Variants in DOCK4 observed in about 807,000 individuals in gnomAD.
DOCK4 encodes dedicator of cytokinesis 4, also known as dedicator of cytokinesis protein 4.
Under a neutral mutation model 268.1 loss-of-function variants are expected in DOCK4, and 97 were observed. That is an observed-to-expected ratio of 0.36 (90% CI 0.31 to 0.43). The LOEUF (loss-of-function observed/expected upper bound fraction) is 0.43, where lower values mean the gene tolerates loss of function less well. Ranked by LOEUF, DOCK4 falls within the 20% of genes least tolerant of loss-of-function variation. The pLI is 1.00. For missense variants in DOCK4, 2,145 were observed against 2,455.7 expected (o/e 0.87, Z 2.67); for synonymous variants, 954 against 887.2 (o/e 1.08, Z -1.34).
In DOCK4 at chr7:111,732,235, A is replaced by T. The variant is rs1173937977; in HGVS notation, c.5472T>A (p.Ser1824=). The T allele has an allele frequency of 2.5e-6, 4 of 1,614,002 alleles. No homozygotes were observed. Among genetic ancestry groups the T allele is most frequent in the Non-Finnish European group, 3.4e-6 (4 of 1,179,884 alleles). ...AAAGAAGGGCCTTTACCTTCAATGG[A>T]GATCGCCCGGCAGGCGAGGGGGATA... is the stretch of plus-strand genomic sequence containing the variant. The part of the protein sequence containing the change: ...TSVSPSPAGR[S]PLKGSVQSFT... The change falls in exon 52 of 53, where the codon TCT becomes TCA. Residue 1824 remains serine, a synonymous_variant. Transcript: ENST00000428084.
intron 1 of DOCK4, among the ~76,000 whole-genome samples, chr7:112,143,718 C>T (rs896872280): frequency 6.6e-6 from 1 of 152,138 alleles, no homozygotes; most frequent in Non-Finnish European, 1.5e-5. Flanking sequence ...TATAAAGTCT[C>T]CTGAGAGTGG....
At chr7:112,017,129 T>C (rs983870503) in intron 1 of DOCK4, among the ~76,000 whole-genome samples, 2 of 152,224 alleles carry the variant, frequency 1.3e-5, no homozygotes, top group African/African-American at 4.8e-5. Context: ...TCCTAATTAT[T>C]TTGTATAATA....
chr7:111,747,063 A>G (rs368341892), intron 43 of DOCK4, among the ~76,000 whole-genome samples: 1 of 152,270 alleles, frequency 6.6e-6, no homozygotes, highest in East Asian at 1.9e-4. Context: ...CATTTTTATT[A>G]TCCAAATATA....
Position 112,206,309 on chromosome 7 carries a change from A to G in DOCK4, c.-171T>C. 1 of 671,218 alleles carries G rather than the reference A, an allele frequency of 1.5e-6. No homozygotes were observed. Among genetic ancestry groups the G allele is most frequent in the Admixed American group, 3.0e-5 (1 of 32,910 alleles). 41.6% of individuals were successfully genotyped at this position (671,218 alleles called of 1,614,324 possible). On this transcript the variant is annotated 5_prime_UTR_variant, in exon 1 of 53. Transcript: ENST00000428084. ...GGAGGCTCCCGAGCCCAGCGTTGAC[A>G]CTGCGCCGCCCGCAGCTCTCCCGGC...
At chr7:111,877,733 C>T (rs751209779) in intron 16 of DOCK4, among the ~76,000 whole-genome samples, 31 of 152,114 alleles carry the variant, frequency 2.0e-4, no homozygotes, top group Admixed American at 8.5e-4. Context: ...TCATAGAAAA[C>T]GCCAGCTAAC....
At chr7:112,043,576 G>A (rs1198579891) in intron 1 of DOCK4, among the ~76,000 whole-genome samples, 3 of 151,968 alleles carry the variant, frequency 2.0e-5, no homozygotes, top group Non-Finnish European at 2.9e-5. Context: ...GAAAAAGGCA[G>A]ATAAGCCATT....
intron 1 of DOCK4, among the ~76,000 whole-genome samples, chr7:112,039,930 C>T (rs1252428059): frequency 6.6e-6 from 1 of 152,002 alleles, no homozygotes; most frequent in African/African-American, 2.4e-5. Flanking sequence ...GTTTTCAGAC[C>T]CTACCATACA....
At chr7:111,896,878 T>G (rs1329211340) in intron 15 of DOCK4, among the ~76,000 whole-genome samples, 1 of 152,164 alleles carries the variant, frequency 6.6e-6, no homozygotes, top group Non-Finnish European at 1.5e-5. Flanking sequence ...GGACTTTCTT[T>G]TAAAATCATT....
intron 1 of DOCK4, among the ~76,000 whole-genome samples, chr7:112,101,327 A>C (rs367606934): frequency 1.3e-4 from 20 of 152,368 alleles, no homozygotes; most frequent in African/African-American, 4.6e-4. Flanking sequence ...TTTTGAATCT[A>C]GACGATGGTC....
intron 7 of DOCK4, among the ~76,000 whole-genome samples, chr7:111,980,816 A>G (rs1798553055): frequency 6.6e-6 from 1 of 152,250 alleles, no homozygotes; most frequent in African/African-American, 2.4e-5. Flanking sequence ...ACCTTCTAAG[A>G]ATTGCAGAGT....
chr7:111,739,829 A>G (rs1795779643), intron 47 of DOCK4: 2 of 344,930 alleles, frequency 5.8e-6, no homozygotes, highest in South Asian at 2.4e-5. Context: ...CCTTCTTGTT[A>G]TCTGTACAAG....
At chr7:111,768,529 A>G (rs1797907914) in intron 37 of DOCK4, among the ~76,000 whole-genome samples, 1 of 152,202 alleles carries the variant, frequency 6.6e-6, no homozygotes, top group Non-Finnish European at 1.5e-5. Context: ...AGTCTAAGAC[A>G]TGTACCACCA....
At chr7:111,950,956 A>G (rs1024710424) in intron 8 of DOCK4, among the ~76,000 whole-genome samples, 1 of 152,232 alleles carries the variant, frequency 6.6e-6, no homozygotes, top group Non-Finnish European at 1.5e-5. Context: ...GAGAGTTGGT[A>G]TTATTAACAG....
intron 7 of DOCK4, among the ~76,000 whole-genome samples, chr7:111,979,617 CAT>C (rs200079599): frequency 2.3e-3 from 347 of 152,042 alleles, no homozygotes; most frequent in African/African-American, 7.7e-3. Flanking sequence ...AAAAGAAAAA[CAT>C]ATGCTTACTT....
chr7:112,046,127 T>C (rs1169768285), intron 1 of DOCK4, among the ~76,000 whole-genome samples: 1 of 152,208 alleles, frequency 6.6e-6, no homozygotes, highest in African/African-American at 2.4e-5. Context: ...TGTTTCTTTA[T>C]TGGATATACT....
intron 1 of DOCK4, among the ~76,000 whole-genome samples, chr7:112,165,929 T>C (rs1041698352): frequency 5.9e-5 from 9 of 152,058 alleles, no homozygotes; most frequent in African/African-American, 2.2e-4. Context: ...TCCAAATAAC[T>C]GCCACTTTCT....
intron 39 of DOCK4, among the ~76,000 whole-genome samples, 175 bp from the exon 40 acceptor site, chr7:111,760,497 G>A (rs1797318321): frequency 6.6e-6 from 1 of 152,106 alleles, no homozygotes; most frequent in Admixed American, 6.5e-5. Context: ...TGCAGATAAA[G>A]ATCATGAGTT....
chr7:111,959,962 C>T (rs1260078772), intron 8 of DOCK4, among the ~76,000 whole-genome samples: 1 of 152,230 alleles, frequency 6.6e-6, no homozygotes, highest in Non-Finnish European at 1.5e-5. Flanking sequence ...GCGGCCATCA[C>T]TGCACTCAGC....
intron 23 of DOCK4, among the ~76,000 whole-genome samples, chr7:111,847,521 A>T (rs2134095972): frequency 6.6e-6 from 1 of 152,014 alleles, no homozygotes; most frequent in East Asian, 1.9e-4. Context: ...CCCCACCCAA[A>T]TTTCATCTTG....
Sources: allele counts gnomAD v4.1 joint callset (sites outside exome capture counted in the v4.1 genomes callset), GRCh38; gene constraint gnomAD v4.1.1; transcripts MANE v1.5; gene names NCBI Gene and HGNC (gene_info 2026-07-23, HGNC 2026-07-21).